The following PDHX variants were observed in gnomAD, a reference collection of about 807,000 sequenced individuals.
PDHX encodes the protein pyruvate dehydrogenase complex component X, also known as pyruvate dehydrogenase protein X component, mitochondrial.
In PDHX, 33 loss-of-function variants were observed where a neutral mutation model predicts 55.3. That is an observed-to-expected ratio of 0.60 (90% confidence interval 0.45 to 0.80). The LOEUF is 0.80. Among genes scored for constraint, PDHX ranks in the 30% least tolerant of loss-of-function variants. The pLI is 0.00. For missense variants in PDHX, 622 were observed against 619.9 expected (o/e 1.00, Z -0.04); for synonymous variants, 226 against 219.4 (o/e 1.03, Z -0.27).
intron 5 of PDHX, among the ~76,000 whole-genome samples, chr11:34,964,225 T>C (rs1258555761): frequency 6.6e-6 from 1 of 152,212 alleles, no homozygotes; most frequent in African/African-American, 2.4e-5. Flanking sequence ...ATTAAAACCA[T>C]TTTCTGCCTC....
At chr11:34,934,508 A>T (rs905302535) in intron 2 of PDHX, among the ~76,000 whole-genome samples, 1 of 151,454 alleles carries the variant, frequency 6.6e-6, no homozygotes, top group African/African-American at 2.4e-5. Flanking sequence ...TTTAATTATG[A>T]TTCAAGCAAA....
At chr11:34,977,115 A>G (rs1168181157) in intron 7 of PDHX, among the ~76,000 whole-genome samples, 2 of 152,158 alleles carry the variant, frequency 1.3e-5, no homozygotes, top group Non-Finnish European at 2.9e-5. Flanking sequence ...GTTTGACAGT[A>G]TTTAGGTTTA....
chr11:34,916,023 GC>G, upstream of PDHX: 1 of 649,702 alleles, frequency 1.5e-6, no homozygotes, highest in Non-Finnish European at 2.5e-6. Context: ...GGAGCGCCCC[GC>G]CCGAGACCAC....
At chr11:34,989,987 C>T (rs943834809) in intron 9 of PDHX, among the ~76,000 whole-genome samples, 12 of 152,160 alleles carry the variant, frequency 7.9e-5, no homozygotes, top group African/African-American at 2.9e-4. Context: ...TCTGCAGATT[C>T]ATCCATGAAC....
At chr11:34,950,138 C>T (rs1173871086) in intron 3 of PDHX, among the ~76,000 whole-genome samples, 1 of 151,836 alleles carries the variant, frequency 6.6e-6, no homozygotes. Context: ...CTTCCCCACC[C>T]TTATTTTTTC....
At chr11:34,963,899 C>T (rs2762962) in intron 5 of PDHX, among the ~76,000 whole-genome samples, 106,665 of 152,104 alleles carry the variant, frequency 0.7, 37,591 homozygotes, top group Middle Eastern at 0.77. Context: ...CATCTGTGTC[C>T]TAAATCATAG....
chr11:34,949,500 G>T (rs1157030618), intron 3 of PDHX, among the ~76,000 whole-genome samples: 1 of 152,182 alleles, frequency 6.6e-6, no homozygotes, highest in African/African-American at 2.4e-5. Flanking sequence ...GCCTCCCAAA[G>T]TGCTAGGATT....
chr11:34,940,577 A>C (rs972054553), intron 2 of PDHX, among the ~76,000 whole-genome samples: 5 of 152,184 alleles, frequency 3.3e-5, no homozygotes, highest in Non-Finnish European at 7.3e-5. Context: ...TAATTTACAT[A>C]CCATAACATT....
intron 8 of PDHX, among the ~76,000 whole-genome samples, chr11:34,982,431 C>A (rs9666748): frequency 0.048 from 7,362 of 152,020 alleles, 563 homozygotes; most frequent in African/African-American, 0.17. Context: ...CAGAGCAGAA[C>A]TGAAGGGAAT....
chr11:34,968,353 A>G (rs139733173), intron 6 of PDHX, among the ~76,000 whole-genome samples: 1 of 152,276 alleles, frequency 6.6e-6, no homozygotes, highest in Non-Finnish European at 1.5e-5. Flanking sequence ...TACTTGACCA[A>G]GTACTTTGCT....
chr11:34,939,522 G>T (rs1854422406), intron 2 of PDHX, among the ~76,000 whole-genome samples: 1 of 151,064 alleles, frequency 6.6e-6, no homozygotes, highest in African/African-American at 2.5e-5. Flanking sequence ...CATGCGCGCA[G>T]CGTTTTACAC....
intron 3 of PDHX, among the ~76,000 whole-genome samples, chr11:34,947,871 C>T (rs977477663): frequency 8.5e-5 from 13 of 152,104 alleles, no homozygotes; most frequent in East Asian, 5.8e-4. Context: ...AAATAAAATG[C>T]GTAGAGCTAC....
At chr11:34,945,857 A>G (rs1015341209) in intron 2 of PDHX, among the ~76,000 whole-genome samples, 13 of 152,194 alleles carry the variant, frequency 8.5e-5, no homozygotes, top group African/African-American at 3.1e-4. Flanking sequence ...CAAGCTACAC[A>G]GATCCGTATG....
At chr11:34,938,471 T>G (rs921187316) in intron 2 of PDHX, among the ~76,000 whole-genome samples, 1 of 152,242 alleles carries the variant, frequency 6.6e-6, no homozygotes, top group Non-Finnish European at 1.5e-5. Flanking sequence ...GTTTTACCTT[T>G]ATAAATAATG....
intron 8 of PDHX, among the ~76,000 whole-genome samples, chr11:34,981,743 G>T (rs555126331): frequency 6.6e-6 from 1 of 150,850 alleles, no homozygotes; most frequent in African/African-American, 2.5e-5. Context: ...GCATTTCTTT[G>T]ATGACTAGTG....
intron 2 of PDHX, among the ~76,000 whole-genome samples, chr11:34,944,621 G>C (rs544798182): frequency 6.6e-6 from 1 of 152,114 alleles, no homozygotes; most frequent in South Asian, 2.1e-4. Context: ...AGTACTTTCT[G>C]TACTGTGAAC....
rs1052700136 is a variant in PDHX at position 34,931,814 on chromosome 11, G to T, written c.241+330G>T. Among the ~76,000 whole-genome samples the T allele has an allele frequency of 4.7e-3, 122 of 25,716 alleles. 1 individual carries two copies. Among genetic ancestry groups the T allele is most frequent in the African/African-American group, 0.047 (118 of 2,512 alleles). 16.9% of individuals were successfully genotyped at this position (25,716 alleles called of 152,430 possible). On this transcript the variant is annotated intron_variant, in intron 2 of 10. Transcript: ENST00000227868. ...CTTAATTTATAACTTTATCATGATT[G>T]TGTGTGTGTGTGTGTGTGTGTGTGT...
chr11:34,954,536 A>T (rs1854860763), intron 3 of PDHX, among the ~76,000 whole-genome samples: 1 of 152,184 alleles, frequency 6.6e-6, no homozygotes, highest in Admixed American at 6.5e-5. Flanking sequence ...CACAGACCTT[A>T]CTACCCATTA....
At chr11:34,938,615 T>G (rs920128846) in intron 2 of PDHX, among the ~76,000 whole-genome samples, 1 of 152,222 alleles carries the variant, frequency 6.6e-6, no homozygotes, top group Non-Finnish European at 1.5e-5. Context: ...TTTTAGGGAT[T>G]ATTTTAAAAA....
Sources: allele counts gnomAD v4.1 joint callset (sites outside exome capture counted in the v4.1 genomes callset), GRCh38; gene constraint gnomAD v4.1.1; transcripts MANE v1.5; gene names NCBI Gene and HGNC (gene_info 2026-07-23, HGNC 2026-07-21).